Variants in ALDH2 observed in about 807,000 individuals in gnomAD.
ALDH2 encodes the protein aldehyde dehydrogenase 2 family member, also known as aldehyde dehydrogenase, mitochondrial.
A neutral mutation model predicts 59.6 loss-of-function variants in ALDH2; 44 were observed. That is an observed-to-expected ratio of 0.74 (90% CI 0.58 to 0.95). ALDH2 has a LOEUF of 0.95. Among genes scored for constraint, ALDH2 ranks in the 40% least tolerant of loss-of-function variants. The pLI is 0.00. For missense variants in ALDH2, 570 were observed against 696.3 expected (o/e 0.82, Z 2.04); for synonymous variants, 291 against 284.0 (o/e 1.02, Z -0.25).
intron 11 of ALDH2, among the ~76,000 whole-genome samples, chr12:111,802,849 C>T (rs112813318): frequency 4.8e-5 from 7 of 145,386 alleles, no homozygotes; most frequent in South Asian, 2.2e-4. Flanking sequence ...CACTGCACTC[C>T]AGCCAGGGCG....
Position 111,783,141 on chromosome 12 carries a change from T to C in ALDH2, c.220-17T>C. On this transcript the variant is annotated splice_polypyrimidine_tract_variant and intron_variant, in intron 2 of 12. Coordinates refer to ENST00000261733, the MANE Select transcript of ALDH2 (RefSeq NM_000690.4). ...CTGAGTTTTCCAGGAAGGCTTGAGT[T>C]TTCCTGTGTTTTCTAGGAAGATGTG... 1 of 1,601,728 alleles carries C rather than the reference T, an allele frequency of 6.2e-7. No homozygotes were observed. Among genetic ancestry groups the C allele is most frequent in the Non-Finnish European group, 8.5e-7 (1 of 1,171,896 alleles).
chr12:111,777,421 A>G (rs1398652558), intron 1 of ALDH2, among the ~76,000 whole-genome samples: 1 of 152,116 alleles, frequency 6.6e-6, no homozygotes. Flanking sequence ...GGATAGTACA[A>G]GGCCAACCAG....
chr12:111,797,022 C>T (rs768662909), intron 9 of ALDH2, among the ~76,000 whole-genome samples: 6 of 150,462 alleles, frequency 4.0e-5, no homozygotes, highest in South Asian at 2.1e-4. Context: ...TGCAATAGCG[C>T]GATCTTGGCT....
intron 1 of ALDH2, chr12:111,775,547 A>T: frequency 2.4e-6 from 1 of 413,758 alleles, no homozygotes; most frequent in South Asian, 1.7e-5. Flanking sequence ...AGATGTATTT[A>T]TTAAAATATG....
chr12:111,786,318 G>A lies in ALDH2; in HGVS notation c.440+972G>A, dbSNP rs527974577. On this transcript the variant is annotated intron_variant, in intron 4 of 12. Coordinates refer to ENST00000261733, the MANE Select transcript of ALDH2 (RefSeq NM_000690.4). ...GTGGTGCGATCTCAGCTCACTGCAA[G>A]CTCCGCCTCCCGGGTTCATGCCATT... is the stretch of plus-strand genomic sequence containing the variant. 2.5e-3 allele frequency among the ~76,000 whole-genome samples: 371 copies of A among 149,502 alleles called. 2 individuals are homozygous for A. Among genetic ancestry groups the A allele is most frequent in the Non-Finnish European group, 4.3e-3 (292 of 67,296 alleles).
intron 10 of ALDH2, among the ~76,000 whole-genome samples, chr12:111,799,115 G>C (rs1027322737): frequency 6.6e-6 from 1 of 151,274 alleles, no homozygotes; most frequent in Non-Finnish European, 1.5e-5. Context: ...TGCCTGCCTC[G>C]GCCTCCCAAA....
chr12:111,781,886 G>C (rs1334331815), intron 1 of ALDH2, 32 bp from the exon 2 acceptor site: 1 of 1,521,180 alleles, frequency 6.6e-7, no homozygotes, highest in African/African-American at 1.4e-5. Context: ...GTTGACAGCT[G>C]GTCCTGAGAA....
chr12:111,795,845 C>T (rs1490753950), intron 9 of ALDH2, among the ~76,000 whole-genome samples: 1 of 152,046 alleles, frequency 6.6e-6, no homozygotes, highest in East Asian at 1.9e-4. Flanking sequence ...CCCACCTCAG[C>T]TTCCCAAAGT....
intron 9 of ALDH2, 21 bp from the exon 10 acceptor site, chr12:111,798,057 T>C (rs776273476): frequency 1.9e-6 from 3 of 1,614,068 alleles, no homozygotes; most frequent in Admixed American, 3.3e-5. Context: ...TCTCCATAAC[T>C]CTGGGTTCCT....
At chr12:111,769,002 A>G (rs1158126034) in intron 1 of ALDH2, among the ~76,000 whole-genome samples, 3 of 152,198 alleles carry the variant, frequency 2.0e-5, no homozygotes, top group Non-Finnish European at 4.4e-5. Flanking sequence ...CTCAAGGAAC[A>G]GCCATCGCCC....
chr12:111,810,052 C>T lies in ALDH2; in HGVS notation c.*477C>T. On this transcript the variant is annotated 3_prime_UTR_variant, in exon 13 of 13. Transcript: ENST00000261733. ...GCATGGTGGCTCACGCCTGTAATCCCAGCACTTTGGGAAGCCGAGGCGGGT... is the reference window on the plus strand; with the variant it reads ...GCATGGTGGCTCACGCCTGTAATCCTAGCACTTTGGGAAGCCGAGGCGGGT... The T allele has an allele frequency of 5.4e-6, 1 of 186,106 alleles. No homozygotes were observed. The highest frequency in any genetic ancestry group is 9.5e-5 in the East Asian group (1 of 10,476). The allele number at this position is 186,106 out of a possible 1,614,324, so 11.5% of individuals were successfully genotyped here.
At chr12:111,770,900 C>A (rs1395443005) in intron 1 of ALDH2, among the ~76,000 whole-genome samples, 1 of 151,964 alleles carries the variant, frequency 6.6e-6, no homozygotes, top group African/African-American at 2.4e-5. Flanking sequence ...ATCCACCTGC[C>A]CTGGCCTCCC....
chr12:111,791,175 C>T (rs751018214), intron 6 of ALDH2, 131 bp from the exon 7 acceptor site: 1 of 670,004 alleles, frequency 1.5e-6, no homozygotes, highest in South Asian at 1.8e-5. Context: ...GTGCCCCATA[C>T]AATTAGCTTC....
chr12:111,788,460 T>A (rs1283432733), intron 4 of ALDH2, among the ~76,000 whole-genome samples: 1 of 152,206 alleles, frequency 6.6e-6, no homozygotes, highest in Non-Finnish European at 1.5e-5. Context: ...GTGCCAAGGC[T>A]GAAAAACTCC....
chr12:111,785,407 AG>A, intron 4 of ALDH2, 61 bp downstream of exon 4: 22 of 1,447,890 alleles, frequency 1.5e-5, no homozygotes, highest in Non-Finnish European at 1.9e-5. Flanking sequence ...CAACGTTGTT[AG>A]GAGGTAAAAA....
chr12:111,774,978 G>A (rs1026505898), intron 1 of ALDH2, among the ~76,000 whole-genome samples: 1 of 152,186 alleles, frequency 6.6e-6, no homozygotes, highest in African/African-American at 2.4e-5. Flanking sequence ...GAAAGGGTTC[G>A]CCACAGCTGT....
intron 3 of ALDH2, among the ~76,000 whole-genome samples, chr12:111,784,555 A>T (rs1036567779): frequency 3.9e-5 from 6 of 152,168 alleles, no homozygotes; most frequent in African/African-American, 1.4e-4. Flanking sequence ...TCTCTGGCTG[A>T]TGTTTCTAGA....
chr12:111,805,820 C>T (rs1009563993), intron 12 of ALDH2, among the ~76,000 whole-genome samples: 2 of 151,778 alleles, frequency 1.3e-5, no homozygotes, highest in African/African-American at 2.4e-5. Context: ...GTCAAGAGAT[C>T]GAGACCATCC....
intron 11 of ALDH2, among the ~76,000 whole-genome samples, chr12:111,802,666 G>A (rs978650610): frequency 1.1e-4 from 17 of 151,350 alleles, no homozygotes; most frequent in African/African-American, 3.9e-4. Context: ...GGATCACGAG[G>A]TCAGAAGATC....
Sources: gnomAD v4.1 joint callset for allele counts (sites outside exome capture counted in the v4.1 genomes callset) on GRCh38, gnomAD v4.1.1 for gene constraint, MANE v1.5 for transcripts, NCBI Gene and HGNC (gene_info 2026-07-23, HGNC 2026-07-21) for gene names.